The following LRBA variants were observed in gnomAD, a reference collection of about 807,000 sequenced individuals.
LRBA encodes LPS responsive beige-like anchor protein.
Under a neutral mutation model 330.0 loss-of-function variants are expected in LRBA, and 176 were observed. That is an observed-to-expected ratio of 0.53 (90% confidence interval 0.47 to 0.60). LRBA has a LOEUF of 0.60. Among genes scored for constraint, LRBA ranks in the 20% least tolerant of loss-of-function variants. LRBA has a pLI of 0.00. For missense variants in LRBA, 3,259 were observed against 3,444.8 expected, an observed-to-expected ratio of 0.95 and a Z score of 1.35; for synonymous variants, 1,230 against 1,193.0, an observed-to-expected ratio of 1.03 and a Z score of -0.64.
Position 150,928,603 on chromosome 4 carries a change from G to A in LRBA, c.462C>T (p.Asp154=). The A allele has an allele frequency of 6.2e-7, 1 of 1,612,292 alleles. No homozygotes were observed. Among genetic ancestry groups the A allele is most frequent in the Non-Finnish European group, 8.5e-7 (1 of 1,178,964 alleles). The change falls in exon 4 of 57, where the codon GAC becomes GAT. Residue 154 remains aspartate (D), a synonymous_variant. Transcript: ENST00000651943. ...VDNMIADLLV[D]MLGVLASYNL... ...TATAGCTAGCCAGCACTCCCAACAT[G>A]TCAACCAAAAGATCTGGAAACAAAA... is the stretch of plus-strand genomic sequence containing the variant.
chr4:150,379,435 G>A (rs759974153), intron 47 of LRBA, among the ~76,000 whole-genome samples: 1 of 151,506 alleles, frequency 6.6e-6, no homozygotes, highest in Non-Finnish European at 1.5e-5. Flanking sequence ...AAAAAAGAAT[G>A]CTGGTTGGTT....
chr4:150,909,322 C>T (rs1731706762), intron 9 of LRBA, among the ~76,000 whole-genome samples: 1 of 152,154 alleles, frequency 6.6e-6, no homozygotes, highest in African/African-American at 2.4e-5. Flanking sequence ...ATTCTACTTT[C>T]TGTTTCTATG....
Position 150,839,384 on chromosome 4 carries a change from T to C in LRBA, c.4569+4716A>G, listed in dbSNP as rs377678919. ...CCATTTGGCCCAGCCATCCCATTAC[T>C]GGGTATATACTCAAAGGATTATAAA... is the stretch of plus-strand genomic sequence containing the variant. On this transcript the variant is annotated intron_variant, in intron 28 of 56. Transcript: ENST00000651943. Among the ~76,000 whole-genome samples the C allele has an allele frequency of 2.0e-4, 31 of 152,314 alleles. No homozygotes were observed. In the East Asian group the frequency reaches 6.0e-3, roughly 29 times the overall value.
In LRBA at chr4:150,313,840, G is replaced by GTATA. The variant is rs35815992; in HGVS notation, c.7693+1717_7693+1720dup. Among the ~76,000 whole-genome samples, 953 of 141,988 alleles carry GTATA rather than the reference G, an allele frequency of 6.7e-3. 5 individuals are homozygous for GTATA. Among genetic ancestry groups the GTATA allele is most frequent in the African/African-American group, 0.012 (491 of 39,312 alleles). The allele number at this position is 141,988 out of a possible 152,430, so 93.1% of individuals were successfully genotyped here. On this transcript the variant is annotated intron_variant, in intron 51 of 56. Coordinates refer to ENST00000651943, the MANE Select transcript of LRBA (RefSeq NM_001364905.1). ...TTGTTTCATATAGAATATATATAAT[G>GTATA]TATATATATATATATATATATAGCC...
At position 150,891,813 on chromosome 4, in the gene LRBA, T is replaced by C. The variant is rs186002275; in HGVS notation, c.2165+1239A>G. On this transcript the variant is annotated intron_variant, in intron 17 of 56. Transcript: ENST00000651943. The stretch of plus-strand genomic sequence containing the variant: ...ATGAATAAAGACACTTTTTATCTTA[T>C]AGAGAATGAACATTAAAAAATACCA... Among the ~76,000 whole-genome samples, 663 of 152,292 alleles carry C rather than the reference T, an allele frequency of 4.4e-3. 21 individuals carry two copies. The highest frequency in any genetic ancestry group is 9.6e-4 in the Non-Finnish European group (65 of 68,018).
intron 44 of LRBA, among the ~76,000 whole-genome samples, chr4:150,453,717 T>A (rs1445728575): frequency 6.6e-6 from 1 of 152,118 alleles, no homozygotes; most frequent in Non-Finnish European, 1.5e-5. Context: ...ACAGATCTCT[T>A]GCAACAAACC....
chr4:151,000,107 T>A (rs1191387710), intron 2 of LRBA, among the ~76,000 whole-genome samples: 1 of 152,218 alleles, frequency 6.6e-6, no homozygotes, highest in African/African-American at 2.4e-5. Context: ...TTTTTGACAG[T>A]TTGACTTACA....
At chr4:150,509,940 C>A (rs1363895220) in intron 40 of LRBA, among the ~76,000 whole-genome samples, 1 of 152,106 alleles carries the variant, frequency 6.6e-6, no homozygotes, top group Non-Finnish European at 1.5e-5. Flanking sequence ...AGTTCGAGAC[C>A]AGCCTGGCCA....
At chr4:150,664,163 T>C (rs1219582945) in intron 37 of LRBA, among the ~76,000 whole-genome samples, 2 of 152,172 alleles carry the variant, frequency 1.3e-5, no homozygotes, top group Admixed American at 6.5e-5. Flanking sequence ...TGCAATAGCA[T>C]TGAAAGAGAG....
At chr4:150,467,050 T>A (rs940122836) in intron 44 of LRBA, among the ~76,000 whole-genome samples, 3 of 152,030 alleles carry the variant, frequency 2.0e-5, no homozygotes, top group African/African-American at 7.2e-5. Context: ...CCAGAGAGCA[T>A]GAAAGTTATC....
chr4:150,460,883 C>A (rs1754694259), intron 44 of LRBA, among the ~76,000 whole-genome samples: 1 of 151,810 alleles, frequency 6.6e-6, no homozygotes, highest in Admixed American at 6.6e-5. Flanking sequence ...TCTCCCAAAT[C>A]TTCAGCTTAT....
chr4:150,815,682 A>C (rs532595862), intron 31 of LRBA, among the ~76,000 whole-genome samples: 1 of 152,088 alleles, frequency 6.6e-6, no homozygotes, highest in South Asian at 2.1e-4. Flanking sequence ...AAATAATACA[A>C]GACTATTAAT....
At chr4:150,949,717 G>C (rs1008245543) in intron 2 of LRBA, among the ~76,000 whole-genome samples, 7 of 151,670 alleles carry the variant, frequency 4.6e-5, no homozygotes, top group Non-Finnish European at 2.9e-5. Context: ...TAACCTAAAT[G>C]AATCTTCAAT....
At chr4:150,269,109 A>AATT (rs1745741771) in intron 56 of LRBA, among the ~76,000 whole-genome samples, 1 of 152,212 alleles carries the variant, frequency 6.6e-6, no homozygotes, top group African/African-American at 2.4e-5. Flanking sequence ...CCAAAAGGAA[A>AATT]ATTAAGAATT....
At chr4:150,741,598 C>T (rs1445928601) in intron 35 of LRBA, among the ~76,000 whole-genome samples, 1 of 152,072 alleles carries the variant, frequency 6.6e-6, no homozygotes, top group Non-Finnish European at 1.5e-5. Flanking sequence ...AATAGCCAAA[C>T]ACTAGCAACT....
At chr4:150,440,378 GA>G (rs1285976035) in intron 44 of LRBA, among the ~76,000 whole-genome samples, 3 of 151,624 alleles carry the variant, frequency 2.0e-5, no homozygotes, top group African/African-American at 7.3e-5. Flanking sequence ...TACAAACTAA[GA>G]AAAAATCTCA....
intron 17 of LRBA, among the ~76,000 whole-genome samples, chr4:150,886,058 C>A (rs1728909427): frequency 6.6e-6 from 1 of 151,842 alleles, no homozygotes; most frequent in Non-Finnish European, 1.5e-5. Context: ...ATGGAGTCAG[C>A]CCAATAAAGC....
intron 2 of LRBA, among the ~76,000 whole-genome samples, chr4:151,010,577 T>C (rs931193442): frequency 1.6e-4 from 24 of 152,080 alleles, no homozygotes; most frequent in African/African-American, 4.8e-4. Context: ...AGTTGGAAGG[T>C]AGCACTTAAG....
intron 44 of LRBA, among the ~76,000 whole-genome samples, chr4:150,438,632 T>C (rs1340377839): frequency 6.6e-6 from 1 of 152,164 alleles, no homozygotes; most frequent in Non-Finnish European, 1.5e-5. Context: ...GTGGAGAAAA[T>C]GTTAAAATAA....
Sources: gnomAD v4.1 joint callset for allele counts (sites outside exome capture counted in the v4.1 genomes callset) on GRCh38, gnomAD v4.1.1 for gene constraint, MANE v1.5 for transcripts, NCBI Gene and HGNC (gene_info 2026-07-23, HGNC 2026-07-21) for gene names.